MYO18A: variants seen among roughly 807,000 people sequenced by gnomAD.
The protein encoded by MYO18A is unconventional myosin-XVIIIa.
In MYO18A, 78 loss-of-function variants were observed where a neutral mutation model predicts 235.8. That is an observed-to-expected ratio of 0.33 (90% CI 0.28 to 0.40). MYO18A has a LOEUF of 0.40. Among genes scored for constraint, MYO18A ranks in the 10% least tolerant of loss-of-function variants. MYO18A has a pLI of 1.00. For synonymous variants in MYO18A, 977 were observed against 1,077.8 expected, an observed-to-expected ratio of 0.91 and a Z score of 1.83; for missense variants, 2,215 against 2,699.3, an observed-to-expected ratio of 0.82 and a Z score of 3.98.
intron 34 of MYO18A, 99 bp from the exon 35 acceptor site, chr17:29,091,025 T>A: frequency 1.0e-6 from 1 of 953,386 alleles, no homozygotes; most frequent in East Asian, 2.4e-5. Context: ...AAGATGATAA[T>A]GGGCTGAGCC....
chr17:29,109,649 AGAG>A lies in MYO18A; in HGVS notation c.3331+206_3331+208del, dbSNP rs987044957. ...ACAAAGAGAACTGAATATGGAAGGG[AGAG>A]GAGGAGGCGGGGACTCTGCAGGATG... On this transcript the variant is annotated intron_variant, in intron 19 of 41. Coordinates refer to ENST00000527372, the MANE Select transcript of MYO18A (RefSeq NM_078471.4). The surrounding 1 kb of genome is among the most constrained non-coding windows in gnomAD (Gnocchi z 4.1). 1.6e-4 allele frequency among the ~76,000 whole-genome samples: 24 copies of A among 152,108 alleles called. No homozygotes were observed. Among genetic ancestry groups the A allele is most frequent in the African/African-American group, 5.6e-4 (23 of 41,416 alleles).
intron 20 of MYO18A, among the ~76,000 whole-genome samples, chr17:29,104,408 A>G (rs1254077088): frequency 6.6e-6 from 1 of 152,182 alleles, no homozygotes; most frequent in Non-Finnish European, 1.5e-5. Context: ...GAGATTTCCA[A>G]TTTACGTAAC....
intron 2 of MYO18A, chr17:29,128,112 G>A (rs1214894403): frequency 1.9e-6 from 2 of 1,057,134 alleles, no homozygotes; most frequent in Non-Finnish European, 2.3e-6. Flanking sequence ...CCCCTGCCCC[G>A]AGACATCAGG....
chr17:29,159,154 A>G (rs1567639881), intron 2 of MYO18A, among the ~76,000 whole-genome samples: 1 of 152,030 alleles, frequency 6.6e-6, no homozygotes, highest in African/African-American at 2.4e-5. Flanking sequence ...CGAGCATCTC[A>G]TAAGGAAGAA....
chr17:29,120,726 C>T lies in MYO18A; in HGVS notation c.1618G>A (p.Glu540Lys), dbSNP rs1328182505. ...ATGGTGGGGCTGTTCCCAAAGGCTT[C>T]CAGGAGGGTGTACAGAGCCTGCCAC... is the stretch of plus-strand genomic sequence containing the variant. ...EKWQALYTLL[E>K]AFGNSPTIIN... The change falls in exon 7 of 42, where the codon GAA (glutamate) becomes AAA (lysine). Residue 540 changes from glutamate to lysine, a missense_variant. Transcript: ENST00000527372. The surrounding 1 kb of genome is among the most constrained non-coding windows in gnomAD (Gnocchi z 4.2). The T allele has an allele frequency of 6.2e-7, 1 of 1,613,884 alleles. No homozygotes were observed. Among genetic ancestry groups the T allele is most frequent in the South Asian group, 1.1e-5 (1 of 91,078 alleles).
At chr17:29,128,450 C>G in intron 2 of MYO18A, 1 of 1,289,448 alleles carries the variant, frequency 7.8e-7, no homozygotes, top group Non-Finnish European at 1.0e-6. Context: ...GGGTGCAGGG[C>G]TCCTGGCTCT....
intron 41 of MYO18A, chr17:29,078,166 G>A (rs58005815): frequency 0.027 from 4,152 of 152,260 alleles, 72 homozygotes; most frequent in Non-Finnish European, 0.035. Flanking sequence ...ATAGGCATGC[G>A]CCACCACGCC....
At chr17:29,157,985 T>C (rs991064855) in intron 2 of MYO18A, among the ~76,000 whole-genome samples, 1 of 152,060 alleles carries the variant, frequency 6.6e-6, no homozygotes, top group Non-Finnish European at 1.5e-5. Flanking sequence ...GCAGAGATGG[T>C]GTTTTGCCAT....
intron 21 of MYO18A, 24 bp from the exon 22 acceptor site, chr17:29,099,786 A>G: frequency 6.2e-7 from 1 of 1,608,458 alleles, no homozygotes; most frequent in African/African-American, 1.3e-5. Context: ...GGCCAGGTGA[A>G]GGCAGGATAC....
chr17:29,154,573 G>A (rs1015464240), intron 2 of MYO18A, among the ~76,000 whole-genome samples: 3 of 152,306 alleles, frequency 2.0e-5, no homozygotes, highest in East Asian at 1.9e-4. Flanking sequence ...TCTCAGGCAG[G>A]GGGCCCAGTT....
At chr17:29,093,508 A>G in intron 31 of MYO18A, 81 bp from the exon 32 acceptor site, 3 of 1,075,498 alleles carry the variant, frequency 2.8e-6, no homozygotes, top group Non-Finnish European at 4.1e-6. Context: ...TGGGTTCCCC[A>G]CTCCAGGAAA....
intron 2 of MYO18A, among the ~76,000 whole-genome samples, chr17:29,141,502 T>C (rs2075122524): frequency 1.3e-5 from 2 of 152,012 alleles, no homozygotes; most frequent in South Asian, 4.1e-4. Context: ...TCCTAACCAG[T>C]CTGGCATACA....
Position 29,121,469 on chromosome 17 carries a change from G to T in MYO18A, c.1371+78C>A. ...TGAGAGTGGACAGGAGCCCAGTGGG[G>T]TGCCACAGGGGAAGGGCAGAGAGCC... On this transcript the variant is annotated intron_variant, in intron 5 of 41. Coordinates refer to ENST00000527372, the MANE Select transcript of MYO18A (RefSeq NM_078471.4). The surrounding 1 kb of genome is among the most constrained non-coding windows in gnomAD (Gnocchi z 4.2). 1 of 1,408,220 alleles carries T rather than the reference G, an allele frequency of 7.1e-7. No individual in the cohort carries two copies. The highest frequency in any genetic ancestry group is 1.4e-5 in the South Asian group (1 of 71,234). The allele number at this position is 1,408,220 out of a possible 1,614,324, so 87.2% of individuals were successfully genotyped here.
At chr17:29,095,926 G>A (rs1469257877) in intron 28 of MYO18A, among the ~76,000 whole-genome samples, 1 of 152,194 alleles carries the variant, frequency 6.6e-6, no homozygotes, top group East Asian at 1.9e-4. Flanking sequence ...GCCAGCCTTT[G>A]GGTAAAGGGG....
In MYO18A at chr17:29,073,805, G is replaced by A. The variant is rs370246950; in HGVS notation, c.*965C>T. 1.6e-5 allele frequency: 25 copies of A among 1,539,846 alleles called. No individual in the cohort carries two copies. In the African/African-American group the frequency reaches 2.3e-4, roughly 14 times the overall value. ...CACAGAGTGAGGACTCATGTCTAATGAGCACCGGCCAAAACTTCCATCTTC... is the reference window on the plus strand; with the variant it reads ...CACAGAGTGAGGACTCATGTCTAATAAGCACCGGCCAAAACTTCCATCTTC... On this transcript the variant is annotated 3_prime_UTR_variant, in exon 42 of 42. Transcript: ENST00000527372.
At chr17:29,134,102 T>C (rs1418529956) in intron 2 of MYO18A, among the ~76,000 whole-genome samples, 1 of 152,136 alleles carries the variant, frequency 6.6e-6, no homozygotes, top group African/African-American at 2.4e-5. Context: ...TGTTTTTATT[T>C]TTTTATTTTT....
intron 39 of MYO18A, among the ~76,000 whole-genome samples, chr17:29,086,007 G>T (rs754586975): frequency 1.3e-5 from 2 of 152,224 alleles, no homozygotes; most frequent in Non-Finnish European, 2.9e-5. Context: ...TTCCTTCCTC[G>T]TGACTGTCTC....
At chr17:29,161,738 C>T (rs1213996296) in intron 2 of MYO18A, among the ~76,000 whole-genome samples, 4 of 152,220 alleles carry the variant, frequency 2.6e-5, no homozygotes, top group Admixed American at 2.0e-4. Context: ...CTCGCCTTCT[C>T]CTCTCCCAGG....
Position 29,118,049 on chromosome 17 carries a change from G to A in MYO18A, c.2034C>T (p.Thr678=), listed in dbSNP as rs769582211. The change falls in exon 10 of 42, where the codon ACC becomes ACT. Residue 678 remains threonine, a synonymous_variant. Transcript: ENST00000527372. The surrounding 1 kb of genome is among the most constrained non-coding windows in gnomAD (Gnocchi z 4.2). ...AIYHLGAAGA[T]KEAAEAGRKQ... ...CTGGGACCCACTGCAGGTTACCTTT[G>A]GTGGCTCCCGCAGCCCCCAGGTGGT... The A allele has an allele frequency of 6.3e-7, 1 of 1,580,828 alleles. No individual in the cohort carries two copies. The highest frequency in any genetic ancestry group is 8.6e-7 in the Non-Finnish European group (1 of 1,163,406).
Sources: gnomAD v4.1 joint callset for allele counts (sites outside exome capture counted in the v4.1 genomes callset) on GRCh38, gnomAD v4.1.1 for gene constraint, Gnocchi (gnomAD v3.1) non-coding constraint, MANE v1.5 for transcripts, NCBI Gene and HGNC (gene_info 2026-07-23, HGNC 2026-07-21) for gene names.